The following SAMSN1 variants were observed in gnomAD, a reference collection of about 807,000 sequenced individuals.
SAMSN1 encodes SAM domain, SH3 domain and nuclear localization signals 1, also known as SAM domain-containing protein SAMSN-1.
Under a neutral mutation model 42.0 loss-of-function variants are expected in SAMSN1, and 31 were observed. The ratio of observed to expected loss-of-function variants is 0.74; its 90% CI spans 0.55 to 1.00. The LOEUF (loss-of-function observed/expected upper bound fraction) is 1.00. SAMSN1 is among the 50% of genes least tolerant of loss of function. The probability of loss-of-function intolerance (pLI) is 0.00; values close to 1 mark genes in which losing one functional copy is unlikely to be tolerated. For missense variants in SAMSN1, 464 were observed against 439.4 expected, an observed-to-expected ratio of 1.06 and a Z score of -0.50; for synonymous variants, 178 against 151.9, an observed-to-expected ratio of 1.17 and a Z score of -1.26.
At position 14,615,975 on chromosome 21, in the gene SAMSN1, C is replaced by G. The variant is rs760524466; in HGVS notation, c.197+1G>C. The G allele has an allele frequency of 8.9e-6, 5 of 563,228 alleles. No individual in the cohort carries two copies. In the South Asian group the frequency reaches 1.2e-4, roughly 13 times the overall value. The allele number at this position is 563,228 out of a possible 1,614,324, so 34.9% of individuals were successfully genotyped here. ...AAGTTTACCAAGTAAATTTGACTTA[C>G]TTTCTCTTTTTTGGTTTTGCATTCT... On this transcript the variant is annotated splice_donor_variant, in intron 3 of 15. Transcript: ENST00000647101. LOFTEE classifies it high-confidence loss of function.
intron 1 of SAMSN1, among the ~76,000 whole-genome samples, chr21:14,542,166 C>G (rs1980089131): frequency 6.6e-6 from 1 of 152,190 alleles, no homozygotes; most frequent in African/African-American, 2.4e-5. Context: ...CTCTTACAGA[C>G]ATGGTTTCCC....
In SAMSN1 at chr21:14,577,871, A is replaced by G. The variant is rs78449468; in HGVS notation, c.261+4265T>C. ...CTTTTACCTTTCTCAATTTATATCA[A>G]TTCCATAATCACAAATATTTCTTCA... On this transcript the variant is annotated intron_variant, in intron 2 of 8. Transcript: ENST00000285670. 7.6e-3 allele frequency among the ~76,000 whole-genome samples: 1,157 copies of G among 152,220 alleles called. 11 individuals are homozygous for G. Among genetic ancestry groups the G allele is most frequent in the African/African-American group, 0.025 (1,044 of 41,542 alleles).
chr21:14,502,506 AT>A (rs1436196513), intron 5 of SAMSN1, among the ~76,000 whole-genome samples: 1 of 152,196 alleles, frequency 6.6e-6, no homozygotes, highest in Non-Finnish European at 1.5e-5. Context: ...CTTGATGGAA[AT>A]AATAGTATTT....
At chr21:14,577,259 T>A (rs1287852333) in intron 2 of SAMSN1, among the ~76,000 whole-genome samples, 5 of 46,614 alleles carry the variant, frequency 1.1e-4, no homozygotes, top group Non-Finnish European at 1.9e-4. Flanking sequence ...TATATATATA[T>A]ATATATATAT....
chr21:14,514,264 G>A (rs556683432), intron 3 of SAMSN1, among the ~76,000 whole-genome samples: 1 of 152,162 alleles, frequency 6.6e-6, no homozygotes, highest in South Asian at 2.1e-4. Context: ...CAGTCTAAAG[G>A]CTTTCTCTTT....
At chr21:14,580,250 G>C (rs549832826) in intron 2 of SAMSN1, among the ~76,000 whole-genome samples, 1 of 152,272 alleles carries the variant, frequency 6.6e-6, no homozygotes, top group East Asian at 1.9e-4. Context: ...CATTCAGTTT[G>C]GCAGTTCGGC....
At chr21:14,636,397 CCACCG>C (rs1983467718) in intron 2 of SAMSN1, among the ~76,000 whole-genome samples, 1 of 152,184 alleles carries the variant, frequency 6.6e-6, no homozygotes. Flanking sequence ...CACCCCACTG[CCACCG>C]CACACACTTG....
intron 1 of SAMSN1, among the ~76,000 whole-genome samples, chr21:14,649,072 A>T (rs921812415): frequency 1.3e-5 from 2 of 152,114 alleles, no homozygotes; most frequent in African/African-American, 2.4e-5. Context: ...CATATACACC[A>T]TGGAATACTA....
chr21:14,617,183 A>T (rs1982860286), intron 2 of SAMSN1, among the ~76,000 whole-genome samples: 1 of 152,072 alleles, frequency 6.6e-6, no homozygotes, highest in Non-Finnish European at 1.5e-5. Context: ...GTAAGTAAGG[A>T]TGTGGGAAGC....
chr21:14,609,437 A>G (rs149024813), intron 5 of SAMSN1: 3 of 717,048 alleles, frequency 4.2e-6, no homozygotes, highest in African/African-American at 3.5e-5. Flanking sequence ...CCTTTAAACT[A>G]CTTTGGGAAA....
At chr21:14,560,881 G>T (rs1298386550) in intron 2 of SAMSN1, among the ~76,000 whole-genome samples, 2 of 152,156 alleles carry the variant, frequency 1.3e-5, no homozygotes, top group African/African-American at 4.8e-5. Flanking sequence ...CATACAAACT[G>T]GGTGGCTTAT....
At chr21:14,642,703 C>T (rs1425167818) in intron 2 of SAMSN1, among the ~76,000 whole-genome samples, 1 of 152,100 alleles carries the variant, frequency 6.6e-6, no homozygotes, top group African/African-American at 2.4e-5. Context: ...CTTATCTTGC[C>T]TTTCTTTCTC....
chr21:14,507,779 A>G (rs1334410617), intron 5 of SAMSN1, among the ~76,000 whole-genome samples: 1 of 152,146 alleles, frequency 6.6e-6, no homozygotes, highest in Non-Finnish European at 1.5e-5. Flanking sequence ...TGGAGGCATC[A>G]CATTACCTAA....
At chr21:14,527,973 G>A (rs1978989135) in intron 1 of SAMSN1, among the ~76,000 whole-genome samples, 1 of 152,018 alleles carries the variant, frequency 6.6e-6, no homozygotes, top group African/African-American at 2.4e-5. Flanking sequence ...TATTTTACTT[G>A]AAAGGAGTTC....
At chr21:14,549,121 G>C (rs921366183), upstream of SAMSN1, among the ~76,000 whole-genome samples, 1 of 152,138 alleles carries the variant, frequency 6.6e-6, no homozygotes, top group African/African-American at 2.4e-5. Context: ...AGTAAGGTGA[G>C]CCATAAAAGG....
At chr21:14,609,359 T>C (rs1275620526) in intron 5 of SAMSN1, 1 of 639,338 alleles carries the variant, frequency 1.6e-6, no homozygotes, top group Non-Finnish European at 2.8e-6. Flanking sequence ...TATTTGGTTT[T>C]CCTTTTTAAG....
At chr21:14,655,557 G>A (rs1279185200) in intron 1 of SAMSN1, among the ~76,000 whole-genome samples, 2 of 151,640 alleles carry the variant, frequency 1.3e-5, no homozygotes. Flanking sequence ...TATTTAAAAG[G>A]AAGTTAATCT....
At chr21:14,629,051 A>AT (rs1983255255) in intron 2 of SAMSN1, among the ~76,000 whole-genome samples, 1 of 152,132 alleles carries the variant, frequency 6.6e-6, no homozygotes, top group Non-Finnish European at 1.5e-5. Context: ...TACTACTTCT[A>AT]TGCTTGACGG....
At chr21:14,507,584 T>C (rs1030295580) in intron 5 of SAMSN1, among the ~76,000 whole-genome samples, 6 of 152,222 alleles carry the variant, frequency 3.9e-5, no homozygotes, top group African/African-American at 1.4e-4. Flanking sequence ...TCTATGCCCA[T>C]GGATAGGTAG....
Sources: allele counts gnomAD v4.1 joint callset (sites outside exome capture counted in the v4.1 genomes callset), GRCh38; gene constraint gnomAD v4.1.1; transcripts MANE v1.5; gene names NCBI Gene and HGNC (gene_info 2026-07-23, HGNC 2026-07-21).